AP4S1: variants seen among roughly 807,000 people sequenced by gnomAD.
The protein encoded by AP4S1 is adaptor related protein complex 4 subunit sigma 1, also known as AP-4 complex subunit sigma-1.
Under a neutral mutation model 19.8 loss-of-function variants are expected in AP4S1, and 23 were observed. The ratio of observed to expected loss-of-function variants is 1.16; its 90% CI spans 0.84 to 1.65. The LOEUF is 1.65. AP4S1 is among the 40% of genes most tolerant of loss of function. The pLI, the probability that AP4S1 is intolerant of heterozygous loss-of-function variation, is 0.00. For missense variants in AP4S1, 166 were observed against 172.8 expected (o/e 0.96, Z 0.22); for synonymous variants, 46 against 54.1 (o/e 0.85, Z 0.66).
At chr14:31,049,470 T>C (rs189121511) in intron 1 of AP4S1, among the ~76,000 whole-genome samples, 12,550 of 48,358 alleles carry the variant, frequency 0.26, 1,463 homozygotes, top group Non-Finnish European at 0.31. Flanking sequence ...TATGTATATA[T>C]ATGTACACAC....
chr14:31,069,348 T>C (rs1324295607), intron 2 of AP4S1, among the ~76,000 whole-genome samples: 2 of 152,214 alleles, frequency 1.3e-5, no homozygotes, highest in Non-Finnish European at 2.9e-5. Context: ...TCTACATGGA[T>C]TCTTTTCATG....
intron 5 of AP4S1, chr14:31,085,954 T>A: frequency 4.2e-6 from 2 of 481,366 alleles, no homozygotes; most frequent in Non-Finnish European, 5.4e-6. Flanking sequence ...CAATGCTGTG[T>A]GCACTCTCTG....
rs915188161 is a variant in AP4S1, at chr14:31,080,583, A to T, written c.305A>T (p.Asp102Val). 11 of 1,613,132 alleles carry T rather than the reference A, an allele frequency of 6.8e-6. No individual in the cohort carries two copies. In the African/African-American group the frequency reaches 1.5e-4, roughly 22 times the overall value. The change falls in exon 5 of 6, where the codon GAT becomes GTT. Residue 102 changes from aspartate (D) to valine (V), a missense_variant and splice_region_variant. Physicochemically the swap from Asp to Val is radical, Grantham distance 152. Coordinates refer to ENST00000542754, the MANE Select transcript of AP4S1 (RefSeq NM_001128126.3). ...DEYFSRVSELDIMFNLDKVHI... is the reference protein window; with the variant it reads ...DEYFSRVSELVIMFNLDKVHI... ...TTTTCTGTCTTCCAGAGTGAATTAGATGTATCCTTTTTCAATACTGTTTTC... is the reference window on the plus strand; with the variant it reads ...TTTTCTGTCTTCCAGAGTGAATTAGTTGTATCCTTTTTCAATACTGTTTTC...
intron 1 of AP4S1, among the ~76,000 whole-genome samples, chr14:31,063,114 A>T (rs1886531107): frequency 6.6e-6 from 1 of 151,944 alleles, no homozygotes; most frequent in Non-Finnish European, 1.5e-5. Flanking sequence ...TGAGCAAAAT[A>T]GTGAGACCCC....
chr14:31,031,184 G>A (rs1325837231), intron 1 of AP4S1, among the ~76,000 whole-genome samples: 2 of 152,000 alleles, frequency 1.3e-5, no homozygotes, highest in African/African-American at 4.8e-5. Context: ...TTTTCCTGAG[G>A]CCTCCCCAGC....
intron 1 of AP4S1, among the ~76,000 whole-genome samples, chr14:31,053,800 G>A (rs1885950965): frequency 6.6e-6 from 1 of 151,736 alleles, no homozygotes; most frequent in Admixed American, 6.6e-5. Context: ...AAAGATACCA[G>A]AAGAGAATAG....
At chr14:31,090,240 C>T (rs1382934371) in intron 5 of AP4S1, among the ~76,000 whole-genome samples, 1 of 152,190 alleles carries the variant, frequency 6.6e-6, no homozygotes. Context: ...CCCACCTCAG[C>T]CTCCCAAAGT....
rs1220193536 is a variant in AP4S1, at chr14:31,093,252, GAGA to G, written c.*220_*222del. 5.1e-6 allele frequency: 2 copies of G among 394,220 alleles called. No homozygotes were observed. The highest frequency in any genetic ancestry group is 8.8e-6 in the Non-Finnish European group (2 of 226,964). 24.4% of individuals were successfully genotyped at this position (394,220 alleles called of 1,614,324 possible). On this transcript the variant is annotated 3_prime_UTR_variant, in exon 6 of 6. Coordinates refer to ENST00000542754, the MANE Select transcript of AP4S1 (RefSeq NM_001128126.3). ...AGAAAAAAATTTCTTTAAACTGAGA[GAGA>G]AGTTTTATTTTCTAATTGTAAACAT...
chr14:31,057,751 A>G (rs1379422904), intron 1 of AP4S1, among the ~76,000 whole-genome samples: 2 of 151,548 alleles, frequency 1.3e-5, no homozygotes, highest in Non-Finnish European at 2.9e-5. Flanking sequence ...TTAGCCTCTC[A>G]AGTAGCTATG....
Position 31,069,828 on chromosome 14 carries a change from T to C in AP4S1, c.139-15T>C, listed in dbSNP as rs1194763316. 2 of 1,580,368 alleles carry C rather than the reference T, an allele frequency of 1.3e-6. No homozygotes were observed. Among genetic ancestry groups the C allele is most frequent in the South Asian group, 1.1e-5 (1 of 90,374 alleles). On this transcript the variant is annotated splice_polypyrimidine_tract_variant and intron_variant, in intron 2 of 5. Transcript: ENST00000542754. ...CTCAGCCACAGGAATTAATATCTCA[T>C]TGTGTTTTGTCTAGTGCTCTTTCAT...
At chr14:31,053,901 G>A (rs1331200891) in intron 1 of AP4S1, among the ~76,000 whole-genome samples, 1 of 152,102 alleles carries the variant, frequency 6.6e-6, no homozygotes, top group Non-Finnish European at 1.5e-5. Flanking sequence ...TTTACATGAT[G>A]TACAGAGGAG....
rs1461277484 is a variant in AP4S1, at chr14:31,066,347, TTCTC to T, written c.138+17_138+20del. ...ATCCAATGAACAAGTAAGTCTCTGG[TTCTC>T]TCTTTTATCTCTGCATTCAACTCAG... On this transcript the variant is annotated intron_variant, in intron 2 of 5. Transcript: ENST00000542754. 1.9e-6 allele frequency: 3 copies of T among 1,613,780 alleles called. No individual in the cohort carries two copies. Among genetic ancestry groups the T allele is most frequent in the Non-Finnish European group, 2.5e-6 (3 of 1,179,896 alleles).
chr14:31,047,566 T>C (rs1333052928), intron 1 of AP4S1, among the ~76,000 whole-genome samples: 1 of 151,872 alleles, frequency 6.6e-6, no homozygotes, highest in East Asian at 1.9e-4. Context: ...TAATTTTTTA[T>C]GGTTTTTTTT....
chr14:31,070,645 C>T (rs1886948795), intron 3 of AP4S1, among the ~76,000 whole-genome samples: 1 of 152,186 alleles, frequency 6.6e-6, no homozygotes, highest in Non-Finnish European at 1.5e-5. Context: ...AGTAGAGAAG[C>T]CCCAAACCAC....
At chr14:31,082,940 C>T (rs1292771085) in intron 5 of AP4S1, among the ~76,000 whole-genome samples, 1 of 151,978 alleles carries the variant, frequency 6.6e-6, no homozygotes, top group Non-Finnish European at 1.5e-5. Flanking sequence ...CCTGATCAGC[C>T]TTAATAGTTG....
rs140626067 is a variant in AP4S1, at chr14:31,038,936, CA to C, written c.-72+13150del. On this transcript the variant is annotated intron_variant, in intron 1 of 5. Coordinates refer to ENST00000542754, the MANE Select transcript of AP4S1 (RefSeq NM_001128126.3). ...AGCAATGGAAGTCTTTCACGACCAC[CA>C]TCAAACATTGGGAGCATTAATGACT... 5.1e-3 allele frequency among the ~76,000 whole-genome samples: 768 copies of C among 151,894 alleles called. 7 individuals carry two copies. Among genetic ancestry groups the C allele is most frequent in the African/African-American group, 0.017 (721 of 41,422 alleles).
chr14:31,073,409 G>A (rs1245030339), intron 4 of AP4S1, among the ~76,000 whole-genome samples: 1 of 135,726 alleles, frequency 7.4e-6, no homozygotes, highest in African/African-American at 2.6e-5. Context: ...AGAATGGCGT[G>A]AACCCGGGAG....
At chr14:31,070,977 A>C (rs571697626) in intron 3 of AP4S1, among the ~76,000 whole-genome samples, 11 of 152,180 alleles carry the variant, frequency 7.2e-5, no homozygotes, top group Admixed American at 7.2e-4. Context: ...GTGTGAACCC[A>C]GGAGGCAGAG....
chr14:31,034,910 A>T lies in AP4S1; in HGVS notation c.-72+9123A>T, dbSNP rs556934965. 5.3e-4 allele frequency among the ~76,000 whole-genome samples: 80 copies of T among 152,106 alleles called. 1 individual carries two copies. The highest frequency in any genetic ancestry group is 1.9e-3 in the African/African-American group (78 of 41,488). ...CCAAAGTGCTGGGATTACAGGCATG[A>T]GCCACCGTGGCCAGCCCCACTTAAC... On this transcript the variant is annotated intron_variant, in intron 1 of 5. Transcript: ENST00000542754.
Sources: gnomAD v4.1 joint callset for allele counts (sites outside exome capture counted in the v4.1 genomes callset) on GRCh38, gnomAD v4.1.1 for gene constraint, MANE v1.5 for transcripts, NCBI Gene and HGNC (gene_info 2026-07-23, HGNC 2026-07-21) for gene names.